The following SLC4A10 variants were observed in gnomAD, a reference collection of about 807,000 sequenced individuals.
The protein encoded by SLC4A10 is solute carrier family 4 member 10, also known as sodium-driven chloride bicarbonate exchanger.
In SLC4A10, 42 loss-of-function variants were observed where a neutral mutation model predicts 137.7. The observed-to-expected ratio is 0.30, with a 90% CI of 0.24 to 0.39. The LOEUF is 0.39. Among genes scored for constraint, SLC4A10 ranks in the 10% least tolerant of loss-of-function variants. SLC4A10 has a pLI of 1.00. For synonymous variants in SLC4A10, 474 were observed against 464.1 expected (o/e 1.02, Z -0.27); for missense variants, 925 against 1,355.0 (o/e 0.68, Z 4.98).
In SLC4A10 at chr2:161,624,463, G is replaced by GT; in HGVS notation, c.-55dup. The GT allele has an allele frequency of 6.4e-7, 1 of 1,550,950 alleles. No individual in the cohort carries two copies. The highest frequency in any genetic ancestry group is 8.7e-7 in the Non-Finnish European group (1 of 1,146,460). ...AAGCAGAGCGAGTGCCGGGCTGAGT[G>GT]TAAGACACTGAAGACACTGCAGAGC... On this transcript the variant is annotated 5_prime_UTR_variant, in exon 1 of 27. Transcript: ENST00000446997.
intron 1 of SLC4A10, among the ~76,000 whole-genome samples, chr2:161,680,594 G>A (rs761151990): frequency 9.2e-5 from 14 of 152,032 alleles, no homozygotes; most frequent in Non-Finnish European, 1.8e-4. Context: ...GCTTGATATC[G>A]ATGGCACGAG....
At chr2:161,833,762 G>A (rs541691854) in intron 3 of SLC4A10, among the ~76,000 whole-genome samples, 31 of 152,300 alleles carry the variant, frequency 2.0e-4, no homozygotes, top group African/African-American at 6.7e-4. Flanking sequence ...ACAACAATTG[G>A]CTGATAATCA....
chr2:161,630,300 A>C (rs148861189), intron 1 of SLC4A10, among the ~76,000 whole-genome samples: 2 of 151,768 alleles, frequency 1.3e-5, no homozygotes, highest in Non-Finnish European at 3.0e-5. Flanking sequence ...TTCTTTTCTT[A>C]TAATATCTTT....
intron 21 of SLC4A10, among the ~76,000 whole-genome samples, chr2:161,960,363 CAAAAAAAAAAAAAAA>C (rs369670130): frequency 2.2e-5 from 1 of 46,034 alleles, no homozygotes; most frequent in African/African-American, 7.4e-5. Context: ...GACTCTGTCT[CAAAAAAAAAAAAAAA>C]AAAAAAAAGA....
chr2:161,766,650 T>G lies in SLC4A10; in HGVS notation c.49-4323T>G, dbSNP rs2050828594. On this transcript the variant is annotated intron_variant, in intron 1 of 26. Coordinates refer to ENST00000446997, the MANE Select transcript of SLC4A10 (RefSeq NM_001178015.2). Reference sequence around the variant, plus strand: ...GTCTTGCAAAAATAATAAATTTGCTTTGTAAATATATCAATAACAGAGTCT... The same window carrying G: ...GTCTTGCAAAAATAATAAATTTGCTGTGTAAATATATCAATAACAGAGTCT... 1.3e-5 allele frequency among the ~76,000 whole-genome samples: 2 copies of G among 152,088 alleles called. 1 individual carries two copies. Among genetic ancestry groups the G allele is most frequent in the South Asian group, 4.2e-4 (2 of 4,816 alleles).
In SLC4A10 at chr2:161,896,232, A is replaced by G. The variant is rs566400391; in HGVS notation, c.1341+1407A>G. On this transcript the variant is annotated intron_variant, in intron 11 of 26. Transcript: ENST00000446997. Reference sequence around the variant, plus strand: ...AAAGATCAGATAGTTGTAGATATGCAGCGTTATTTCTGAGGGCTCTGTTCT... The same window carrying G: ...AAAGATCAGATAGTTGTAGATATGCGGCGTTATTTCTGAGGGCTCTGTTCT... Among the ~76,000 whole-genome samples, 405 of 151,686 alleles carry G rather than the reference A, an allele frequency of 2.7e-3. 1 individual carries two copies. The highest frequency in any genetic ancestry group is 8.0e-3 in the African/African-American group (331 of 41,412).
chr2:161,663,605 T>C (rs2038705644), intron 1 of SLC4A10, among the ~76,000 whole-genome samples: 1 of 152,016 alleles, frequency 6.6e-6, no homozygotes, highest in African/African-American at 2.4e-5. Context: ...AGGGAAAATA[T>C]AAATTATAAA....
chr2:161,978,397 A>AAAG lies in SLC4A10; in HGVS notation c.*26+639_*26+640insGAA, dbSNP rs1553652475. 2.5e-3 allele frequency among the ~76,000 whole-genome samples: 382 copies of AAAG among 150,350 alleles called. 4 individuals carry two copies. Among genetic ancestry groups the AAAG allele is most frequent in the Non-Finnish European group, 4.2e-3 (284 of 67,534 alleles). ...GAGAGACTCTGTCAAAAAAAAAAAA[A>AAAG]AAAAGAAAAGAAAAAGAAAAAGAAA... On this transcript the variant is annotated intron_variant, in intron 26 of 26. Coordinates refer to ENST00000446997, the MANE Select transcript of SLC4A10 (RefSeq NM_001178015.2).
At chr2:161,720,880 GA>G (rs1176780759) in intron 1 of SLC4A10, among the ~76,000 whole-genome samples, 1 of 151,426 alleles carries the variant, frequency 6.6e-6, no homozygotes, top group African/African-American at 2.4e-5. Context: ...ACCCAGGCTG[GA>G]GTACAGTGGC....
At chr2:161,710,764 T>C (rs757619783) in intron 1 of SLC4A10, 15 of 452,646 alleles carry the variant, frequency 3.3e-5, no homozygotes, top group Middle Eastern at 6.5e-4. Flanking sequence ...AAGCTGCCTA[T>C]AAAAACTATT....
chr2:161,808,942 G>A (rs575139861), intron 3 of SLC4A10, among the ~76,000 whole-genome samples: 2 of 152,282 alleles, frequency 1.3e-5, no homozygotes, highest in Non-Finnish European at 2.9e-5. Context: ...TAATGGGATT[G>A]CTGGGTTGAA....
intron 1 of SLC4A10, among the ~76,000 whole-genome samples, chr2:161,686,951 C>T (rs188836965): frequency 2.8e-4 from 42 of 148,674 alleles, no homozygotes; most frequent in Non-Finnish European, 3.9e-4. Context: ...GGTGTGATCT[C>T]GGCTCACTGC....
intron 15 of SLC4A10, among the ~76,000 whole-genome samples, chr2:161,908,492 C>T (rs970564075): frequency 4.0e-5 from 6 of 148,450 alleles, no homozygotes; most frequent in Admixed American, 6.7e-5. Flanking sequence ...TGCTAAATGA[C>T]GAGTTGATGG....
At chr2:161,708,735 T>C (rs1474202022) in intron 1 of SLC4A10, 3 of 1,530,112 alleles carry the variant, frequency 2.0e-6, no homozygotes, top group African/African-American at 2.8e-5. Flanking sequence ...TGATTATCTT[T>C]TGTAAGACAG....
At chr2:161,911,038 A>T (rs1379288106) in intron 15 of SLC4A10, among the ~76,000 whole-genome samples, 1 of 151,898 alleles carries the variant, frequency 6.6e-6, no homozygotes, top group Non-Finnish European at 1.5e-5. Flanking sequence ...TAAAATATGT[A>T]AAAAATAAAA....
chr2:161,706,695 G>A (rs936910708), intron 1 of SLC4A10, among the ~76,000 whole-genome samples: 6 of 151,484 alleles, frequency 4.0e-5, no homozygotes, highest in African/African-American at 1.2e-4. Context: ...GACGCTTACC[G>A]TGACTGGGCC....
At chr2:161,972,599 G>A (rs1698748992) in intron 23 of SLC4A10, among the ~76,000 whole-genome samples, 1 of 152,086 alleles carries the variant, frequency 6.6e-6, no homozygotes, top group African/African-American at 2.4e-5. Flanking sequence ...TTTCCTTGAA[G>A]AACAGCAAAG....
intron 1 of SLC4A10, among the ~76,000 whole-genome samples, chr2:161,770,043 T>G (rs2051383110): frequency 6.6e-6 from 1 of 151,976 alleles, no homozygotes; most frequent in Admixed American, 6.6e-5. Flanking sequence ...AAAAACCTTT[T>G]TTCTACTAGT....
intron 1 of SLC4A10, among the ~76,000 whole-genome samples, chr2:161,686,296 C>A (rs931631991): frequency 4.0e-5 from 6 of 151,790 alleles, no homozygotes; most frequent in African/African-American, 1.5e-4. Flanking sequence ...AAAGAACAAG[C>A]AATTCTCAGT....
Sources: allele counts gnomAD v4.1 joint callset (sites outside exome capture counted in the v4.1 genomes callset), GRCh38; gene constraint gnomAD v4.1.1; transcripts MANE v1.5; gene names NCBI Gene and HGNC (gene_info 2026-07-23, HGNC 2026-07-21).